Variants in TNFRSF14 observed in about 807,000 individuals in gnomAD.
TNFRSF14 encodes TNF receptor superfamily member 14, also known as tumor necrosis factor receptor superfamily member 14.
A neutral mutation model predicts 34.1 loss-of-function variants in TNFRSF14; 18 were observed. The observed-to-expected ratio is 0.53, with a 90% CI of 0.36 to 0.78. The LOEUF is 0.78. Among genes scored for constraint, TNFRSF14 ranks in the 30% least tolerant of loss-of-function variants. The pLI is 0.00. For missense variants in TNFRSF14, 352 were observed against 379.5 expected (o/e 0.93, Z 0.60); for synonymous variants, 157 against 153.2 (o/e 1.02, Z -0.18).
rs200438377 is a variant in TNFRSF14, at chr1:2,563,216, C to T, written c.795C>T (p.Thr265=). Residue 265 remains threonine, a synonymous_variant, in exon 8 of 8, where the codon ACC becomes ACT. Transcript: ENST00000355716. ...IEALQAPPDV[T]TVAVEETIPS... ...CCCTGCAGGCCCCTCCGGACGTCAC[C>T]ACGGTGGCCGTGGAGGAGACAATAC... The T allele has an allele frequency of 8.7e-6, 14 of 1,613,360 alleles. No homozygotes were observed. Among genetic ancestry groups the T allele is most frequent in the Non-Finnish European group, 1.2e-5 (14 of 1,180,028 alleles).
chr1:2,562,205 CCATTCATTCATT>C, intron 6 of TNFRSF14: 1 of 291,382 alleles, frequency 3.4e-6, no homozygotes, highest in East Asian at 6.0e-5. Context: ...GAGAGTAAGG[CCATTCATTCATT>C]CATTCATTCA....
intron 2 of TNFRSF14, 115 bp downstream of exon 2, chr1:2,557,949 C>T (rs1430297062): frequency 1.0e-5 from 9 of 897,662 alleles, no homozygotes; most frequent in Non-Finnish European, 1.5e-5. Flanking sequence ...TGTGATGAAG[C>T]CCTGGGGCTA....
At chr1:2,560,553 G>A (rs1430085007) in intron 4 of TNFRSF14, 71 bp from the exon 5 acceptor site, 1 of 1,180,488 alleles carries the variant, frequency 8.5e-7, no homozygotes, top group African/African-American at 1.5e-5. Context: ...TCACAGACAA[G>A]CAGTCCCTAG....
chr1:2,562,737 C>G (rs1439614715), intron 6 of TNFRSF14, 128 bp from the exon 7 acceptor site: 6 of 1,238,102 alleles, frequency 4.8e-6, no homozygotes, highest in Non-Finnish European at 7.1e-6. Flanking sequence ...AGGGTCAGTC[C>G]CTTGGGGACG....
intron 3 of TNFRSF14, chr1:2,558,866 C>T (rs1490800099): frequency 1.5e-6 from 2 of 1,330,520 alleles, no homozygotes; most frequent in Non-Finnish European, 2.0e-6. Flanking sequence ...GGCTTCTTGT[C>T]CCTTTCTCCT....
At chr1:2,560,918 C>A in intron 5 of TNFRSF14, 1 of 579,998 alleles carries the variant, frequency 1.7e-6, no homozygotes, top group South Asian at 2.2e-5. Flanking sequence ...CCAGACAAAG[C>A]CTCATCAGAT....
rs1164201131 is a variant in TNFRSF14, at chr1:2,561,480, C to T, written c.552-193C>T. The stretch of plus-strand genomic sequence containing the variant: ...TTTCTCTTCTCCTCCTTCCTTCTCT[C>T]CACCTCCCCATAGCCGAGCTTGGAA... On this transcript the variant is annotated intron_variant, in intron 5 of 7. Coordinates refer to ENST00000355716, the MANE Select transcript of TNFRSF14 (RefSeq NM_003820.4). The surrounding 1 kb of genome is among the most constrained non-coding windows in gnomAD (Gnocchi z 6.0). 2.0e-6 allele frequency: 3 copies of T among 1,510,176 alleles called. No homozygotes were observed. The Admixed American group carries it at 6.8e-5, about 34-fold the overall frequency. The allele number at this position is 1,510,176 out of a possible 1,614,324, so 93.5% of individuals were successfully genotyped here. A position where few individuals can be genotyped will look rare whatever the true frequency, so the allele number is the denominator to read the frequency against.
At position 2,563,574 on chromosome 1, in the gene TNFRSF14, T is replaced by A; in HGVS notation, c.*301T>A. The A allele has an allele frequency of 2.5e-6, 1 of 394,328 alleles. No homozygotes were observed. Among genetic ancestry groups the A allele is most frequent in the Non-Finnish European group, 4.6e-6 (1 of 217,054 alleles). 24.4% of individuals were successfully genotyped at this position (394,328 alleles called of 1,614,324 possible). On this transcript the variant is annotated 3_prime_UTR_variant, in exon 8 of 8. Coordinates refer to ENST00000355716, the MANE Select transcript of TNFRSF14 (RefSeq NM_003820.4). ...TCACAGACCACACACCCAGCCCTCC[T>A]GGGCCAGCCCAGAGGGCCCTTCAGA... is the stretch of plus-strand genomic sequence containing the variant.
At position 2,562,190 on chromosome 1, in the gene TNFRSF14, T is replaced by C. The variant is rs546371921; in HGVS notation, c.694+375T>C. ...TGCTGGGGACAAGGCTTTGTCCTCA[T>C]TGAGGAGAGTAAGGCCATTCATTCA... On this transcript the variant is annotated intron_variant, in intron 6 of 7. Coordinates refer to ENST00000355716, the MANE Select transcript of TNFRSF14 (RefSeq NM_003820.4). 2.8e-4 allele frequency: 90 copies of C among 326,964 alleles called. 2 individuals carry two copies. The East Asian group carries it at 4.8e-3, about 17-fold the overall frequency. 20.3% of individuals were successfully genotyped at this position (326,964 alleles called of 1,614,324 possible). A position where few individuals can be genotyped will look rare whatever the true frequency, so the allele number is the denominator to read the frequency against.
upstream of TNFRSF14, chr1:2,555,872 G>T (rs1370692928): frequency 6.4e-6 from 1 of 156,920 alleles, no homozygotes; most frequent in East Asian, 1.9e-4. The surrounding 1 kb of genome is among the most constrained non-coding windows in gnomAD (Gnocchi z 6.3). Flanking sequence ...ACCAGGCTCT[G>T]TGGGGCAGGG....
chr1:2,560,767 G>A (rs1215886691), intron 5 of TNFRSF14, 53 bp downstream of exon 5: 15 of 1,547,540 alleles, frequency 9.7e-6, no homozygotes, highest in South Asian at 5.6e-5. Flanking sequence ...GGGGCTCCAC[G>A]TTGCTTCCCT....
At chr1:2,557,871 C>T (rs375923659) in intron 2 of TNFRSF14, 37 bp downstream of exon 2, 118 of 1,520,386 alleles carry the variant, frequency 7.8e-5, no homozygotes, top group East Asian at 9.6e-5. Context: ...CTCTGTGGGC[C>T]GAGGGCAGAC....
Position 2,559,928 on chromosome 1 carries a change from C to T in TNFRSF14, c.410C>T (p.Ala137Val), listed in dbSNP as rs1174063551. 1.5e-5 allele frequency: 24 copies of T among 1,599,244 alleles called. No individual in the cohort carries two copies. Among genetic ancestry groups the T allele is most frequent in the East Asian group, 4.5e-5 (2 of 44,208 alleles). ...CIVQDGDHCAACRAYATSSPG... is the reference protein window; with the variant it reads ...CIVQDGDHCAVCRAYATSSPG... ...GTCCAGGACGGGGACCACTGCGCCG[C>T]GTGCCGCGCTTACGCCACCTCCAGC... The change falls in exon 4 of 8, where the codon GCG becomes GTG. Residue 137 changes from alanine to valine, a missense_variant. Coordinates refer to ENST00000355716, the MANE Select transcript of TNFRSF14 (RefSeq NM_003820.4).
At chr1:2,557,927 C>G in intron 2 of TNFRSF14, 93 bp downstream of exon 2, 1 of 1,077,042 alleles carries the variant, frequency 9.3e-7, no homozygotes, top group Non-Finnish European at 1.3e-6. Flanking sequence ...TCTCTGCCCC[C>G]ACAGCCATGG....
chr1:2,559,900 A>G lies in TNFRSF14; in HGVS notation c.382A>G (p.Ile128Val), dbSNP rs1397544501. ...TGGCTGCAGCCCAGGCCACTTCTGC[A>G]TCGTCCAGGACGGGGACCACTGCGC... Reference protein sequence around the residue: ...VCGCSPGHFCIVQDGDHCAAC... With the variant: ...VCGCSPGHFCVVQDGDHCAAC... The change falls in exon 4 of 8, where the codon ATC (isoleucine) becomes GTC (valine). Residue 128 changes from isoleucine to valine, a missense_variant. Coordinates refer to ENST00000355716, the MANE Select transcript of TNFRSF14 (RefSeq NM_003820.4). The G allele has an allele frequency of 6.2e-7, 1 of 1,604,354 alleles. No individual in the cohort carries two copies. Among genetic ancestry groups the G allele is most frequent in the Non-Finnish European group, 8.5e-7 (1 of 1,176,092 alleles).
chr1:2,556,508 C>T lies in TNFRSF14; in HGVS notation c.-157C>T. 1.3e-6 allele frequency: 1 copy of T among 786,268 alleles called. No homozygotes were observed. 48.7% of individuals were successfully genotyped at this position (786,268 alleles called of 1,614,324 possible). A position where few individuals can be genotyped will look rare whatever the true frequency, so the allele number is the denominator to read the frequency against. On this transcript the variant is annotated 5_prime_UTR_variant, in exon 1 of 8. Transcript: ENST00000355716. ...ACACCCCCTGCTGCCCACTCTCCTG[C>T]TGCTCGGGTTCTGAGGCACAGCTTG...
At position 2,556,377 on chromosome 1, in the gene TNFRSF14, G is replaced by A. The variant is rs1644212027; in HGVS notation, c.-288G>A. ...CCCATCGGGCGCCTCCTTCATACCGGCCCTTCCCCTCGGCTTTGCCTGGAC... is the reference window on the plus strand; with the variant it reads ...CCCATCGGGCGCCTCCTTCATACCGACCCTTCCCCTCGGCTTTGCCTGGAC... On this transcript the variant is annotated 5_prime_UTR_variant, in exon 1 of 8. Transcript: ENST00000355716. The A allele has an allele frequency of 1.5e-6, 1 of 663,946 alleles. No homozygotes were observed. Among genetic ancestry groups the A allele is most frequent in the East Asian group, 2.9e-5 (1 of 34,552 alleles). 41.1% of individuals were successfully genotyped at this position (663,946 alleles called of 1,614,324 possible).
intron 3 of TNFRSF14, 66 bp from the exon 4 acceptor site, chr1:2,559,757 G>A (rs748186012): frequency 1.3e-6 from 2 of 1,549,766 alleles, no homozygotes; most frequent in Non-Finnish European, 1.7e-6. Flanking sequence ...TGTGGATGCT[G>A]TCCTGGCCCG....
At position 2,561,488 on chromosome 1, in the gene TNFRSF14, C is replaced by T; in HGVS notation, c.552-185C>T. 1 of 1,523,452 alleles carries T rather than the reference C, an allele frequency of 6.6e-7. No individual in the cohort carries two copies. The highest frequency in any genetic ancestry group is 8.8e-7 in the Non-Finnish European group (1 of 1,132,550). The allele number at this position is 1,523,452 out of a possible 1,614,324, so 94.4% of individuals were successfully genotyped here. On this transcript the variant is annotated intron_variant, in intron 5 of 7. Coordinates refer to ENST00000355716, the MANE Select transcript of TNFRSF14 (RefSeq NM_003820.4). The surrounding 1 kb of genome is among the most constrained non-coding windows in gnomAD (Gnocchi z 6.0). ...CTCCTCCTTCCTTCTCTCCACCTCC[C>T]CATAGCCGAGCTTGGAAAAGTCAGA...
Sources: allele counts gnomAD v4.1 joint callset, GRCh38; gene constraint gnomAD v4.1.1; non-coding constraint Gnocchi (gnomAD v3.1); transcripts MANE v1.5; gene names NCBI Gene and HGNC (gene_info 2026-07-23, HGNC 2026-07-21).